Variants in HDAC9 observed in about 807,000 individuals in gnomAD.
HDAC9 encodes the protein MEF-2 interacting transcription repressor (MITR) protein.
In HDAC9, 41 loss-of-function variants were observed where a neutral mutation model predicts 139.4. The ratio of observed to expected loss-of-function variants is 0.29; its 90% confidence interval spans 0.23 to 0.38. The LOEUF (loss-of-function observed/expected upper bound fraction) is 0.38, where lower values mean the gene tolerates loss of function less well. Ranked by LOEUF, HDAC9 falls within the 10% of genes least tolerant of loss-of-function variation. The pLI, the probability that HDAC9 is intolerant of heterozygous loss-of-function variation, is 1.00. For missense variants in HDAC9, 1,147 were observed against 1,297.0 expected (o/e 0.88, Z 1.78); for synonymous variants, 517 against 476.2 (o/e 1.09, Z -1.12).
At chr7:18,172,150 A>C (rs1043992161) in intron 2 of HDAC9, among the ~76,000 whole-genome samples, 4 of 152,118 alleles carry the variant, frequency 2.6e-5, no homozygotes, top group Admixed American at 2.6e-4. Flanking sequence ...CAGAGGTTCA[A>C]CTTCTTCCTT....
chr7:18,561,861 G>C (rs1165261994), intron 2 of HDAC9, among the ~76,000 whole-genome samples: 4 of 152,176 alleles, frequency 2.6e-5, no homozygotes, highest in African/African-American at 9.7e-5. Flanking sequence ...TGTGTATTTG[G>C]ATTGTTTCGC....
At chr7:18,650,219 T>C (rs867227297) in intron 11 of HDAC9, among the ~76,000 whole-genome samples, 1 of 152,152 alleles carries the variant, frequency 6.6e-6, no homozygotes, top group Non-Finnish European at 1.5e-5. Context: ...TTGTCCACTG[T>C]TTAGTGCAAG....
At chr7:18,732,577 G>GTAA (rs1385438223) in intron 13 of HDAC9, among the ~76,000 whole-genome samples, 3 of 126,404 alleles carry the variant, frequency 2.4e-5, no homozygotes, top group African/African-American at 3.6e-5. Flanking sequence ...ATATGTGCAT[G>GTAA]TGTATATACA....
intron 22 of HDAC9, among the ~76,000 whole-genome samples, chr7:18,924,801 G>A (rs2129299716): frequency 6.6e-6 from 1 of 152,180 alleles, no homozygotes; most frequent in South Asian, 2.1e-4. Flanking sequence ...GAAAATATCA[G>A]TTTATAAAAA....
chr7:18,813,462 G>T (rs745746638), intron 17 of HDAC9, among the ~76,000 whole-genome samples: 12 of 152,016 alleles, frequency 7.9e-5, no homozygotes, highest in Non-Finnish European at 1.5e-4. Context: ...GAAGCTCTTT[G>T]TTGTTTCCAA....
At chr7:18,126,976 A>G (rs1191521265) in intron 1 of HDAC9, among the ~76,000 whole-genome samples, 1 of 152,204 alleles carries the variant, frequency 6.6e-6, no homozygotes, top group Non-Finnish European at 1.5e-5. Context: ...TACGTGAACG[A>G]AAGAGGATAA....
At chr7:18,905,214 C>T (rs1802120568) in intron 22 of HDAC9, among the ~76,000 whole-genome samples, 11 of 152,202 alleles carry the variant, frequency 7.2e-5, no homozygotes, top group Admixed American at 7.2e-4. Context: ...TCTTGTTAAC[C>T]ACTCATGACA....
At chr7:18,578,195 A>T (rs759293334) in intron 2 of HDAC9, 1 of 518,830 alleles carries the variant, frequency 1.9e-6, no homozygotes, top group Non-Finnish European at 3.8e-6. Context: ...ACTGAGGGAA[A>T]ATGTTTGGGC....
chr7:18,913,295 A>T (rs981261816), intron 22 of HDAC9, among the ~76,000 whole-genome samples: 3 of 152,098 alleles, frequency 2.0e-5, no homozygotes, highest in Admixed American at 6.6e-5. Flanking sequence ...AGAATAATAG[A>T]ATTTAAACTA....
chr7:18,571,842 C>T (rs565316434), intron 2 of HDAC9, among the ~76,000 whole-genome samples: 17 of 152,020 alleles, frequency 1.1e-4, no homozygotes, highest in Non-Finnish European at 1.8e-4. Context: ...CTACTTTTCC[C>T]GCATATTTTC....
chr7:18,541,947 G>A (rs928670792), intron 2 of HDAC9, among the ~76,000 whole-genome samples: 1 of 152,048 alleles, frequency 6.6e-6, no homozygotes, highest in Non-Finnish European at 1.5e-5. Flanking sequence ...TTTAGATCAG[G>A]GTTTTTGAGA....
chr7:18,992,387 A>G (rs909335650), intron 25 of HDAC9, among the ~76,000 whole-genome samples: 2 of 152,230 alleles, frequency 1.3e-5, no homozygotes, highest in Non-Finnish European at 2.9e-5. Context: ...TGAGTGAGAA[A>G]ATTATGCACA....
chr7:18,140,871 G>A (rs1253663455), intron 1 of HDAC9, among the ~76,000 whole-genome samples: 1 of 149,774 alleles, frequency 6.7e-6, no homozygotes, highest in Non-Finnish European at 1.5e-5. Context: ...TTAATTTGGA[G>A]GTCACTCATA....
intron 1 of HDAC9, among the ~76,000 whole-genome samples, chr7:18,120,929 A>G: frequency 6.6e-6 from 1 of 152,194 alleles, no homozygotes; most frequent in African/African-American, 2.4e-5. Context: ...GTTTACTTCC[A>G]CACTGGCAGT....
intron 2 of HDAC9, among the ~76,000 whole-genome samples, chr7:18,172,672 A>G (rs1788545996): frequency 6.6e-6 from 1 of 152,190 alleles, no homozygotes; most frequent in Non-Finnish European, 1.5e-5. Flanking sequence ...ACTGGTTTCA[A>G]AGAACATCTT....
chr7:18,992,341 A>C (rs1025494614), intron 25 of HDAC9, among the ~76,000 whole-genome samples: 1 of 152,236 alleles, frequency 6.6e-6, no homozygotes, highest in Non-Finnish European at 1.5e-5. Flanking sequence ...AAACTAGATA[A>C]ATATAAGTGC....
intron 2 of HDAC9, among the ~76,000 whole-genome samples, chr7:18,532,353 A>G (rs1483065751): frequency 6.6e-6 from 1 of 152,230 alleles, no homozygotes; most frequent in Admixed American, 6.5e-5. Flanking sequence ...TGTTGCCTAC[A>G]GTAAGATTAT....
chr7:18,621,868 A>G (rs1270451780), intron 6 of HDAC9, among the ~76,000 whole-genome samples: 1 of 152,208 alleles, frequency 6.6e-6, no homozygotes, highest in East Asian at 1.9e-4. Context: ...TTGATTAACT[A>G]GACTGGAGGA....
intron 2 of HDAC9, among the ~76,000 whole-genome samples, chr7:18,244,994 C>CCTCTATCTATCTATCTATATATCTATCT (rs71553924): frequency 6.8e-6 from 1 of 147,960 alleles, no homozygotes; most frequent in Non-Finnish European, 1.5e-5. Flanking sequence ...ATCTAATCTG[C>CCTCTATCTATCTATCTATATATCTATCT]ATCTATCTAT....
Sources: gnomAD v4.1 joint callset for allele counts (sites outside exome capture counted in the v4.1 genomes callset) on GRCh38, gnomAD v4.1.1 for gene constraint, MANE v1.5 for transcripts, NCBI Gene and HGNC (gene_info 2026-07-23, HGNC 2026-07-21) for gene names.